EYS: variants seen among roughly 807,000 people sequenced by gnomAD.
EYS encodes the protein protein eyes shut homolog.
In EYS, 250 loss-of-function variants were observed where a neutral mutation model predicts 282.1. That is an observed-to-expected ratio of 0.89 (90% CI 0.80 to 0.98). The LOEUF (loss-of-function observed/expected upper bound fraction) is 0.98. EYS is among the 50% of genes least tolerant of loss of function. The pLI, the probability that EYS is intolerant of heterozygous loss-of-function variation, is 0.00. For synonymous variants in EYS, 1,355 were observed against 1,282.9 expected, an observed-to-expected ratio of 1.06 and a Z score of -1.20; for missense variants, 4,016 against 3,709.0, an observed-to-expected ratio of 1.08 and a Z score of -2.15.
chr6:65,318,569 AT>A (rs1362875093), intron 11 of EYS, among the ~76,000 whole-genome samples: 1 of 147,066 alleles, frequency 6.8e-6, no homozygotes, highest in Non-Finnish European at 1.5e-5. Context: ...TATATATTAT[AT>A]GTATTACATA....
intron 31 of EYS, among the ~76,000 whole-genome samples, chr6:64,211,002 A>G (rs1336768253): frequency 2.0e-5 from 3 of 152,266 alleles, no homozygotes; most frequent in East Asian, 3.9e-4. Context: ...CCAGGTTTTC[A>G]GGCCTTCAAC....
chr6:63,742,018 G>A (rs1378651325), intron 41 of EYS: 3 of 700,758 alleles, frequency 4.3e-6, no homozygotes, highest in Admixed American at 4.0e-5. Flanking sequence ...GCTGCTATTT[G>A]TGGCTCTTTA....
At chr6:64,321,954 A>T (rs182793155) in intron 29 of EYS, among the ~76,000 whole-genome samples, 2 of 152,122 alleles carry the variant, frequency 1.3e-5, no homozygotes, top group East Asian at 3.9e-4. Context: ...TCTATTCACC[A>T]AGTCATATGC....
At chr6:64,527,443 C>T (rs1328723970) in intron 26 of EYS, among the ~76,000 whole-genome samples, 4 of 151,748 alleles carry the variant, frequency 2.6e-5, no homozygotes, top group Non-Finnish European at 3.0e-5. Context: ...TTTAGCAGTC[C>T]TACCAGTAGG....
At chr6:65,664,392 G>T (rs1484753000) in intron 1 of EYS, among the ~76,000 whole-genome samples, 3 of 152,130 alleles carry the variant, frequency 2.0e-5, no homozygotes, top group Middle Eastern at 3.4e-3. Context: ...ATCAATCCAG[G>T]ATACAAAACC....
At chr6:64,851,167 G>C (rs1218274347) in intron 19 of EYS, among the ~76,000 whole-genome samples, 3 of 152,060 alleles carry the variant, frequency 2.0e-5, no homozygotes, top group Non-Finnish European at 4.4e-5. Context: ...CATGCATGGA[G>C]AAGGTGGAGA....
intron 26 of EYS, among the ~76,000 whole-genome samples, chr6:64,522,982 C>A (rs1777803463): frequency 6.6e-6 from 1 of 150,894 alleles, no homozygotes; most frequent in Non-Finnish European, 1.5e-5. Flanking sequence ...GTTTCATTTT[C>A]TTTTGTCTTT....
At chr6:65,210,627 T>C (rs1766150630) in intron 12 of EYS, among the ~76,000 whole-genome samples, 1 of 151,748 alleles carries the variant, frequency 6.6e-6, no homozygotes, top group Non-Finnish European at 1.5e-5. Flanking sequence ...TGTAAGTACA[T>C]GGCAAAGAAA....
intron 29 of EYS, among the ~76,000 whole-genome samples, chr6:64,337,739 T>C (rs1770908024): frequency 6.6e-6 from 1 of 152,026 alleles, no homozygotes; most frequent in Non-Finnish European, 1.5e-5. Flanking sequence ...AACAAAATAC[T>C]AGCCAACTGA....
rs765246098 is a variant in EYS at position 64,912,432 on chromosome 6, C to T, written c.2641+52G>A. 5.0e-5 allele frequency: 75 copies of T among 1,501,764 alleles called. 3 individuals carry two copies. The highest frequency in any genetic ancestry group is 3.3e-5 in the Non-Finnish European group (36 of 1,102,868). 93.0% of individuals were successfully genotyped at this position (1,501,764 alleles called of 1,614,324 possible). The stretch of plus-strand genomic sequence containing the variant: ...TCATCCCATAGGCACAATAAATACA[C>T]AAACTAATTAAGTAATTATTTAAAA... On this transcript the variant is annotated intron_variant, in intron 16 of 42. Transcript: ENST00000503581.
chr6:65,286,218 A>T lies in EYS; in HGVS notation c.2023+9645T>A, dbSNP rs545020770. Reference sequence around the variant, plus strand: ...CAGTTGCTTGATAATTAAAATAATTATACAGTATGCATATATCACACTTCC... The same window carrying T: ...CAGTTGCTTGATAATTAAAATAATTTTACAGTATGCATATATCACACTTCC... On this transcript the variant is annotated intron_variant, in intron 12 of 42. Transcript: ENST00000503581. 5.3e-5 allele frequency among the ~76,000 whole-genome samples: 8 copies of T among 151,992 alleles called. No homozygotes were observed. The South Asian group carries it at 1.7e-3, about 31-fold the overall frequency.
At chr6:64,352,083 A>T (rs1346343874) in intron 29 of EYS, among the ~76,000 whole-genome samples, 1 of 151,532 alleles carries the variant, frequency 6.6e-6, no homozygotes, top group Admixed American at 6.6e-5. Context: ...ATGTTTCTTT[A>T]AAACAACCCA....
intron 22 of EYS, among the ~76,000 whole-genome samples, chr6:64,800,630 T>C (rs1774511584): frequency 6.6e-6 from 1 of 151,928 alleles, no homozygotes; most frequent in South Asian, 2.1e-4. Flanking sequence ...TGTCTTGTTT[T>C]TGCATTATCA....
chr6:65,634,204 C>G (rs956614648), intron 2 of EYS, among the ~76,000 whole-genome samples: 1 of 152,024 alleles, frequency 6.6e-6, no homozygotes, highest in African/African-American at 2.4e-5. Flanking sequence ...CAAATGAGGA[C>G]GGATAGAAAG....
At chr6:64,234,920 C>A (rs978294730) in intron 30 of EYS, among the ~76,000 whole-genome samples, 2 of 151,624 alleles carry the variant, frequency 1.3e-5, no homozygotes, top group Admixed American at 6.6e-5. Flanking sequence ...GCTCTGTCAC[C>A]CAGGCTGGAG....
At chr6:65,182,302 TA>T (rs1554164558) in intron 12 of EYS, among the ~76,000 whole-genome samples, 1 of 151,592 alleles carries the variant, frequency 6.6e-6, no homozygotes, top group East Asian at 2.0e-4. Flanking sequence ...AACTTATTTT[TA>T]AAATTTGAAC....
In EYS at chr6:63,786,442, T is replaced by C. The variant is rs546823583; in HGVS notation, c.7723+1663A>G. On this transcript the variant is annotated intron_variant, in intron 39 of 42. Coordinates refer to ENST00000503581, the MANE Select transcript of EYS (RefSeq NM_001142800.2). ...AGCAAATTAACCCAGGAACAGAAAA[T>C]GAAACACCTCATGTTCTCACTCATA... Among the ~76,000 whole-genome samples, 3 of 150,528 alleles carry C rather than the reference T, an allele frequency of 2.0e-5. No homozygotes were observed. In the East Asian group the frequency reaches 5.9e-4, roughly 29 times the overall value.
At chr6:64,728,491 T>C (rs959851595) in intron 22 of EYS, among the ~76,000 whole-genome samples, 2 of 152,026 alleles carry the variant, frequency 1.3e-5, no homozygotes, top group East Asian at 1.9e-4. Flanking sequence ...CCCGCCACCA[T>C]GCCTGACTAA....
chr6:64,010,016 T>C (rs1768533104), intron 33 of EYS, among the ~76,000 whole-genome samples: 1 of 151,066 alleles, frequency 6.6e-6, no homozygotes, highest in Non-Finnish European at 1.5e-5. Context: ...AGGGGGCCAG[T>C]GCTCAGCTCA....
Sources: gnomAD v4.1 joint callset for allele counts (sites outside exome capture counted in the v4.1 genomes callset) on GRCh38, gnomAD v4.1.1 for gene constraint, MANE v1.5 for transcripts, NCBI Gene and HGNC (gene_info 2026-07-23, HGNC 2026-07-21) for gene names.